Variants in CIAO3 observed in about 807,000 individuals in gnomAD.
The protein encoded by CIAO3 is cytosolic iron-sulfur assembly component 3, also known as LET1 like/JFP15.
In CIAO3, 45 loss-of-function variants were observed where a neutral mutation model predicts 51.5. The observed-to-expected ratio is 0.87, with a 90% CI of 0.69 to 1.12. CIAO3 has a LOEUF of 1.12. CIAO3 is among the 50% of genes most tolerant of loss of function. The probability of loss-of-function intolerance (pLI) is 0.00; values close to 1 mark genes in which losing one functional copy is unlikely to be tolerated. For synonymous variants in CIAO3, 314 were observed against 269.3 expected (o/e 1.17, Z -1.63); for missense variants, 668 against 632.5 (o/e 1.06, Z -0.60).
chr16:733,843 G>T, intron 6 of CIAO3: 1 of 362,220 alleles, frequency 2.8e-6, no homozygotes. Flanking sequence ...CACCGGGGCC[G>T]CCCTCGCCCT....
intron 1 of CIAO3, chr16:740,011 CCAACACTGACCTTCACCCTT>C: frequency 6.9e-7 from 1 of 1,457,686 alleles, no homozygotes. Context: ...GGAGACACCA[CCAACACTGACCTTCACCCTT>C]CACGTGAACA....
rs138997575 is a variant in CIAO3, at chr16:739,608, C to A, written c.162+35G>T. ...AGAAAAGTGTTTCGGATCAGCCGGG[C>A]AGGAGAGATGGTGGAGCAGCCTCCT... On this transcript the variant is annotated intron_variant, in intron 2 of 10. Coordinates refer to ENST00000251588, the MANE Select transcript of CIAO3 (RefSeq NM_022493.3). 13 of 1,592,724 alleles carry A rather than the reference C, an allele frequency of 8.2e-6. No individual in the cohort carries two copies. In the Admixed American group the frequency reaches 8.3e-5, roughly 10 times the overall value.
chr16:729,787 T>TC lies in CIAO3; in HGVS notation c.*629_*630insG. Reference sequence around the variant, plus strand: ...GCGTGTTTTAGGAGGGGTGCGTTTATTAGACAAACGCTGGGAGACAGGCCT... The same window carrying TC: ...GCGTGTTTTAGGAGGGGTGCGTTTATCTAGACAAACGCTGGGAGACAGGCCT... On this transcript the variant is annotated 3_prime_UTR_variant, in exon 11 of 11. Coordinates refer to ENST00000251588, the MANE Select transcript of CIAO3 (RefSeq NM_022493.3). The TC allele has an allele frequency of 8.4e-7, 1 of 1,187,834 alleles. No homozygotes were observed. The allele number at this position is 1,187,834 out of a possible 1,614,324, so 73.6% of individuals were successfully genotyped here. A position where few individuals can be genotyped will look rare whatever the true frequency, so the allele number is the denominator to read the frequency against.
intron 4 of CIAO3, 137 bp downstream of exon 4, chr16:736,129 A>C: frequency 8.8e-7 from 1 of 1,132,446 alleles, no homozygotes; most frequent in East Asian, 2.4e-5. Flanking sequence ...CTGAGGTCAC[A>C]GAGGGAATAA....
intron 3 of CIAO3, chr16:736,884 G>A (rs1191342918): frequency 5.1e-6 from 2 of 394,450 alleles, no homozygotes; most frequent in Non-Finnish European, 9.4e-6. Context: ...CGGTGGTCTC[G>A]AACTCCTGAC....
intron 4 of CIAO3, chr16:735,080 C>T (rs1195122619): frequency 3.4e-6 from 2 of 594,046 alleles, no homozygotes; most frequent in African/African-American, 3.7e-5. Context: ...GCCACGTTGC[C>T]TCGGCATCCC....
In CIAO3 at chr16:730,665, A is replaced by C. The variant is rs777105481; in HGVS notation, c.1193-10T>G. 113 of 1,605,848 alleles carry C rather than the reference A, an allele frequency of 7.0e-5. No individual in the cohort carries two copies. The highest frequency in any genetic ancestry group is 1.2e-4 in the Admixed American group (7 of 59,926). Reference sequence around the variant, plus strand: ...CCGCCGTTCAGGCAGCCTATGGGAGAGCAGACGGGACAGGGGTCACAGCCT... The same window carrying C: ...CCGCCGTTCAGGCAGCCTATGGGAGCGCAGACGGGACAGGGGTCACAGCCT... On this transcript the variant is annotated splice_polypyrimidine_tract_variant and intron_variant, in intron 10 of 10. Coordinates refer to ENST00000251588, the MANE Select transcript of CIAO3 (RefSeq NM_022493.3).
In CIAO3 at chr16:740,854, G is replaced by A. The variant is rs563369318; in HGVS notation, c.66+66C>T. 23 of 1,431,802 alleles carry A rather than the reference G, an allele frequency of 1.6e-5. No individual in the cohort carries two copies. The Admixed American group carries it at 4.0e-4, about 25-fold the overall frequency. 88.7% of individuals were successfully genotyped at this position (1,431,802 alleles called of 1,614,324 possible). On this transcript the variant is annotated intron_variant, in intron 1 of 10. Coordinates refer to ENST00000251588, the MANE Select transcript of CIAO3 (RefSeq NM_022493.3). ...CTCAGGGGAGGAAGTGGGGCGCAGA[G>A]CAATTTCCCTCCGCGCGACAGGGCA...
At chr16:733,701 G>T in intron 6 of CIAO3, 1 of 470,960 alleles carries the variant, frequency 2.1e-6, no homozygotes, top group Non-Finnish European at 3.9e-6. Context: ...CACGGCTCGG[G>T]CCGTCTCACT....
chr16:736,522 T>A, intron 3 of CIAO3, 124 bp from the exon 4 acceptor site: 1 of 1,220,698 alleles, frequency 8.2e-7, no homozygotes, highest in Non-Finnish European at 1.1e-6. Flanking sequence ...AAGAGTCTTT[T>A]TTTTTTTTTT....
intron 7 of CIAO3, chr16:732,730 G>A (rs2041297593): frequency 5.6e-6 from 2 of 357,876 alleles, no homozygotes; most frequent in East Asian, 7.1e-5. Context: ...TCTGCCCCCC[G>A]GGATCAAGTG....
At chr16:739,596 G>T (rs758175453) in intron 2 of CIAO3, 47 bp downstream of exon 2, 23 of 1,569,658 alleles carry the variant, frequency 1.5e-5, no homozygotes, top group Non-Finnish European at 2.0e-5. Flanking sequence ...AAAGTGTTTC[G>T]GATCAGCCGG....
rs1231490437 is a variant in CIAO3 at position 731,693 on chromosome 16, A to G, written c.906T>C (p.Gly302=). Residue 302 remains glycine (G), a synonymous_variant, in exon 9 of 11, where the codon GGT becomes GGC. Coordinates refer to ENST00000251588, the MANE Select transcript of CIAO3 (RefSeq NM_022493.3). ...EPAPLDSLCS[G]ASAEEPTSHR... Reference sequence around the variant, plus strand: ...GGCTGGTGGGCTCCTCTGCAGAGGCACCGCTGCACCTGGCAAGGAGGGAGG... The same window carrying G: ...GGCTGGTGGGCTCCTCTGCAGAGGCGCCGCTGCACCTGGCAAGGAGGGAGG... The G allele has an allele frequency of 1.3e-6, 2 of 1,553,974 alleles. No individual in the cohort carries two copies. The highest frequency in any genetic ancestry group is 4.8e-5 in the East Asian group (2 of 41,912).
chr16:738,202 G>C, intron 2 of CIAO3: 2 of 993,984 alleles, frequency 2.0e-6, no homozygotes, highest in Non-Finnish European at 2.4e-6. Context: ...ACGCCTACCA[G>C]CACCCCAGCA....
chr16:735,686 C>T (rs956555747), intron 4 of CIAO3, among the ~76,000 whole-genome samples: 9 of 152,172 alleles, frequency 5.9e-5, no homozygotes, highest in Non-Finnish European at 1.3e-4. Flanking sequence ...GGGCACCTGC[C>T]AGTGTCACCA....
At chr16:731,400 A>C (rs1447882328) in intron 9 of CIAO3, 165 bp downstream of exon 9, 1 of 994,280 alleles carries the variant, frequency 1.0e-6, no homozygotes, top group African/African-American at 1.6e-5. Flanking sequence ...TCACACCCTG[A>C]GCCCGCCAGG....
At chr16:732,856 T>C (rs2041299578) in intron 7 of CIAO3, 1 of 321,108 alleles carries the variant, frequency 3.1e-6, no homozygotes, top group Non-Finnish European at 6.1e-6. Context: ...CAGGCTGGTC[T>C]TGAACTCCTG....
At chr16:731,764 G>A in intron 8 of CIAO3, 62 bp from the exon 9 acceptor site, 13 of 1,478,886 alleles carry the variant, frequency 8.8e-6, no homozygotes, top group Non-Finnish European at 1.2e-5. Context: ...TCCCGAGCAG[G>A]GCCTCTGTCC....
Position 737,070 on chromosome 16 carries a change from G to T in CIAO3, c.306+116C>A. On this transcript the variant is annotated intron_variant, in intron 3 of 10. Coordinates refer to ENST00000251588, the MANE Select transcript of CIAO3 (RefSeq NM_022493.3). The surrounding 1 kb of genome is among the most constrained non-coding windows in gnomAD (Gnocchi z 5.3). The stretch of plus-strand genomic sequence containing the variant: ...AAGATTCCAAGCCTCAAAAAGGCAG[G>T]CGCCACCCGCACGACGGACGTCGGC... 1 of 1,376,520 alleles carries T rather than the reference G, an allele frequency of 7.3e-7. No homozygotes were observed. The allele number at this position is 1,376,520 out of a possible 1,614,324, so 85.3% of individuals were successfully genotyped here.
Sources: allele counts gnomAD v4.1 joint callset (sites outside exome capture counted in the v4.1 genomes callset), GRCh38; gene constraint gnomAD v4.1.1; non-coding constraint Gnocchi (gnomAD v3.1); transcripts MANE v1.5; gene names NCBI Gene and HGNC (gene_info 2026-07-23, HGNC 2026-07-21).